Variants in LPP observed in about 807,000 individuals in gnomAD.
The protein encoded by LPP is lipoma-preferred partner.
In LPP, 38 loss-of-function variants were observed where a neutral mutation model predicts 60.4. The ratio of observed to expected loss-of-function variants is 0.63; its 90% CI spans 0.49 to 0.83. The LOEUF is 0.83. Among genes scored for constraint, LPP ranks in the 40% least tolerant of loss-of-function variants. LPP has a pLI of 0.00. For synonymous variants in LPP, 328 were observed against 290.8 expected (o/e 1.13, Z -1.30); for missense variants, 902 against 783.6 (o/e 1.15, Z -1.80).
intron 9 of LPP, among the ~76,000 whole-genome samples, chr3:188,789,180 G>A (rs913349973): frequency 1.3e-5 from 2 of 152,002 alleles, no homozygotes; most frequent in Admixed American, 6.6e-5. Context: ...ACACTTAATA[G>A]ACTACCATAT....
At chr3:188,854,920 G>A (rs966245442) in intron 9 of LPP, among the ~76,000 whole-genome samples, 2 of 152,272 alleles carry the variant, frequency 1.3e-5, no homozygotes, top group African/African-American at 4.8e-5. Flanking sequence ...AACATTTCTA[G>A]TCTCTGCTTG....
At chr3:188,648,582 T>A (rs1851524611) in intron 7 of LPP, among the ~76,000 whole-genome samples, 1 of 152,194 alleles carries the variant, frequency 6.6e-6, no homozygotes, top group Non-Finnish European at 1.5e-5. Context: ...TCTGTCCTGT[T>A]TGTCTCTCCT....
In LPP at chr3:188,609,499, T is replaced by C. The variant is rs770219731; in HGVS notation, c.768T>C (p.Val256=). The C allele has an allele frequency of 6.2e-7, 1 of 1,614,168 alleles. No individual in the cohort carries two copies. The highest frequency in any genetic ancestry group is 1.7e-5 in the Admixed American group (1 of 60,024). ...SGPQGYNTQP[V]PVSGQCPPPS... ...CCCAGGGCTATAACACTCAGCCAGT[T>C]CCTGTCTCTGGGCAGTGTCCACCTC... Residue 256 remains valine, a synonymous_variant, in exon 7 of 12, where the codon GTT becomes GTC. Coordinates refer to ENST00000617246, the MANE Select transcript of LPP (RefSeq NM_001375462.1). This position sits in a 1 kb window ranked among gnomAD's most constrained non-coding sequence, Gnocchi z 6.9.
intron 9 of LPP, among the ~76,000 whole-genome samples, chr3:188,829,856 C>T (rs1756663154): frequency 1.3e-5 from 2 of 151,964 alleles, no homozygotes; most frequent in Admixed American, 6.6e-5. Flanking sequence ...CCCTCCCGGA[C>T]ACATGGGATA....
rs144962584 is a variant in LPP, at chr3:188,346,601, G to A, written c.-10+4882G>A. ...TCTTAATATACGTGTGTGTATGTGC[G>A]TGCACACGTGCATACACATGATCCT... On this transcript the variant is annotated intron_variant, in intron 3 of 11. Coordinates refer to ENST00000617246, the MANE Select transcript of LPP (RefSeq NM_001375462.1). Among the ~76,000 whole-genome samples, 93 of 152,192 alleles carry A rather than the reference G, an allele frequency of 6.1e-4. No individual in the cohort carries two copies. In the East Asian group the frequency reaches 8.3e-3, roughly 14 times the overall value.
At chr3:188,250,276 G>A (rs1014707311) in intron 2 of LPP, among the ~76,000 whole-genome samples, 1 of 151,996 alleles carries the variant, frequency 6.6e-6, no homozygotes, top group Non-Finnish European at 1.5e-5. Flanking sequence ...TACAATTATA[G>A]TATTCCTCAT....
chr3:188,755,804 T>C (rs1249275578), intron 8 of LPP, among the ~76,000 whole-genome samples: 1 of 60,958 alleles, frequency 1.6e-5, no homozygotes, highest in South Asian at 7.3e-4. Context: ...AGTGAGATCC[T>C]GTCACAAAAA....
chr3:188,547,201 G>A (rs927447999), intron 6 of LPP, among the ~76,000 whole-genome samples: 9 of 152,112 alleles, frequency 5.9e-5, no homozygotes, highest in African/African-American at 1.7e-4. Flanking sequence ...GGAAAGGAAG[G>A]CACGTAGATA....
intron 4 of LPP, among the ~76,000 whole-genome samples, chr3:188,465,956 G>C (rs1800263630): frequency 6.6e-6 from 1 of 152,128 alleles, no homozygotes; most frequent in South Asian, 2.1e-4. Flanking sequence ...CTTTCTACCA[G>C]ACCTTGAACT....
At chr3:188,421,494 G>A (rs1787789189) in intron 4 of LPP, among the ~76,000 whole-genome samples, 1 of 152,282 alleles carries the variant, frequency 6.6e-6, no homozygotes, top group East Asian at 1.9e-4. Flanking sequence ...CAAGCCTTAA[G>A]GAGCAATAGG....
intron 2 of LPP, among the ~76,000 whole-genome samples, chr3:188,286,967 C>A (rs917929669): frequency 1.3e-5 from 2 of 152,118 alleles, no homozygotes; most frequent in African/African-American, 4.8e-5. Flanking sequence ...ATGGTGCTGT[C>A]TTGGCTCACT....
At chr3:188,524,141 C>T (rs758074225) in intron 5 of LPP, among the ~76,000 whole-genome samples, 2 of 152,176 alleles carry the variant, frequency 1.3e-5, no homozygotes, top group Non-Finnish European at 2.9e-5. Context: ...AGGTGCATCT[C>T]TTGGGTCTTG....
At chr3:188,853,526 G>A (rs889512359) in intron 9 of LPP, among the ~76,000 whole-genome samples, 1 of 152,196 alleles carries the variant, frequency 6.6e-6, no homozygotes, top group Non-Finnish European at 1.5e-5. Context: ...TGAGCACAAA[G>A]TGTTTAAAAG....
At chr3:188,541,756 G>T (rs1825245250) in intron 6 of LPP, among the ~76,000 whole-genome samples, 1 of 152,056 alleles carries the variant, frequency 6.6e-6, no homozygotes, top group Non-Finnish European at 1.5e-5. Flanking sequence ...AATTAGCTGT[G>T]CATGGTGGCG....
At chr3:188,383,668 TC>T (rs1777471521) in intron 3 of LPP, among the ~76,000 whole-genome samples, 1 of 152,242 alleles carries the variant, frequency 6.6e-6, no homozygotes, top group African/African-American at 2.4e-5. Flanking sequence ...TTCTTCCTTT[TC>T]AGCCAGTCCT....
chr3:188,766,128 C>T (rs9856323), intron 9 of LPP, among the ~76,000 whole-genome samples: 146,305 of 151,952 alleles, frequency 0.96, 70,452 homozygotes, highest in East Asian at 1. Context: ...GCCTTGGCCT[C>T]CCAAAGTGCT....
intron 9 of LPP, among the ~76,000 whole-genome samples, chr3:188,835,821 A>G (rs1180053573): frequency 6.6e-6 from 1 of 152,210 alleles, no homozygotes; most frequent in African/African-American, 2.4e-5. Flanking sequence ...GTCCATAAAT[A>G]AGGTAGCAAT....
intron 5 of LPP, among the ~76,000 whole-genome samples, chr3:188,499,984 T>G (rs1002823271): frequency 1.4e-4 from 22 of 152,188 alleles, no homozygotes; most frequent in Non-Finnish European, 2.4e-4. Flanking sequence ...CTAAATTCAC[T>G]ATTTAGTTCT....
At chr3:188,171,511 C>A (rs1052928300) in intron 1 of LPP, among the ~76,000 whole-genome samples, 1 of 152,206 alleles carries the variant, frequency 6.6e-6, no homozygotes, top group Admixed American at 6.5e-5. Flanking sequence ...ACTCTGAAAC[C>A]TCCCAAAGAC....
Sources: allele counts gnomAD v4.1 joint callset (sites outside exome capture counted in the v4.1 genomes callset), GRCh38; gene constraint gnomAD v4.1.1; non-coding constraint Gnocchi (gnomAD v3.1); transcripts MANE v1.5; gene names NCBI Gene and HGNC (gene_info 2026-07-23, HGNC 2026-07-21).